Variants in C1orf21 observed in about 807,000 individuals in gnomAD.
C1orf21 encodes chromosome 1 open reading frame 21.
In C1orf21, 3 loss-of-function variants were observed where a neutral mutation model predicts 18.7. The ratio of observed to expected loss-of-function variants is 0.16; its 90% CI spans 0.07 to 0.42. C1orf21 has a LOEUF of 0.42. Among genes scored for constraint, C1orf21 ranks in the 10% least tolerant of loss-of-function variants. The pLI, the probability that C1orf21 is intolerant of heterozygous loss-of-function variation, is 0.99. For synonymous variants in C1orf21, 41 were observed against 46.4 expected (o/e 0.88, Z 0.47); for missense variants, 104 against 143.6 (o/e 0.72, Z 1.41).
At chr1:184,422,088 C>G (rs1656554974) in intron 1 of C1orf21, among the ~76,000 whole-genome samples, 1 of 152,146 alleles carries the variant, frequency 6.6e-6, no homozygotes, top group African/African-American at 2.4e-5. Flanking sequence ...GATGGGATGG[C>G]TTTGGCTGAT....
intron 1 of C1orf21, among the ~76,000 whole-genome samples, chr1:184,399,882 G>A (rs932593527): frequency 6.6e-6 from 1 of 152,096 alleles, no homozygotes; most frequent in Non-Finnish European, 1.5e-5. Context: ...AAGAAACCTT[G>A]ACAACATCAA....
intron 1 of C1orf21, among the ~76,000 whole-genome samples, chr1:184,450,342 G>T (rs554843924): frequency 2.0e-5 from 3 of 151,980 alleles, no homozygotes; most frequent in African/African-American, 7.3e-5. Flanking sequence ...GACTCCCCTC[G>T]CCCCAATCAG....
At chr1:184,424,183 C>T (rs1446535873) in intron 1 of C1orf21, among the ~76,000 whole-genome samples, 1 of 151,920 alleles carries the variant, frequency 6.6e-6, no homozygotes, top group Non-Finnish European at 1.5e-5. Context: ...TTTTACAAAC[C>T]GTATCATGGA....
At chr1:184,437,596 G>A (rs1343540223) in intron 1 of C1orf21, among the ~76,000 whole-genome samples, 1 of 152,054 alleles carries the variant, frequency 6.6e-6, no homozygotes, top group East Asian at 1.9e-4. Context: ...AGGAATTTAT[G>A]TGTAATCTCC....
chr1:184,544,701 T>A (rs1484731405), intron 3 of C1orf21, among the ~76,000 whole-genome samples: 1 of 152,206 alleles, frequency 6.6e-6, no homozygotes, highest in African/African-American at 2.4e-5. Flanking sequence ...ATATTTATTA[T>A]CTCATACAGT....
At chr1:184,545,877 G>T (rs1314855725) in intron 3 of C1orf21, 1 of 152,150 alleles carries the variant, frequency 6.6e-6, no homozygotes, top group African/African-American at 2.4e-5. Flanking sequence ...GGCACTACCA[G>T]CCTGACTCTG....
intron 5 of C1orf21, among the ~76,000 whole-genome samples, chr1:184,602,273 G>C (rs1659594719): frequency 6.6e-6 from 1 of 152,170 alleles, no homozygotes. Context: ...CATGCTGGTG[G>C]TGGGAGGCCA....
intron 5 of C1orf21, among the ~76,000 whole-genome samples, chr1:184,600,796 T>A (rs187082097): frequency 1.1e-4 from 17 of 152,296 alleles, no homozygotes; most frequent in African/African-American, 3.8e-4. Context: ...TTTTCTCTCC[T>A]CTCTGAGCCA....
At chr1:184,458,698 T>A (rs1479513847) in intron 1 of C1orf21, among the ~76,000 whole-genome samples, 1 of 152,206 alleles carries the variant, frequency 6.6e-6, no homozygotes, top group Non-Finnish European at 1.5e-5. Flanking sequence ...AATTTTCACA[T>A]AGCAAAGTTA....
intron 2 of C1orf21, among the ~76,000 whole-genome samples, chr1:184,481,424 C>T (rs531375236): frequency 5.9e-5 from 9 of 152,262 alleles, no homozygotes; most frequent in Admixed American, 5.2e-4. Context: ...AGAGCTGGCA[C>T]ACTGTCACTC....
intron 1 of C1orf21, among the ~76,000 whole-genome samples, chr1:184,399,362 T>G: frequency 6.9e-6 from 1 of 144,996 alleles, no homozygotes; most frequent in Admixed American, 6.9e-5. Flanking sequence ...TTCTATTTTT[T>G]TTTTTTTTTT....
intron 2 of C1orf21, among the ~76,000 whole-genome samples, chr1:184,492,910 G>C (rs949424892): frequency 6.6e-6 from 1 of 152,136 alleles, no homozygotes; most frequent in African/African-American, 2.4e-5. Context: ...AATTTCCCAG[G>C]TTGCTGATTT....
intron 1 of C1orf21, among the ~76,000 whole-genome samples, chr1:184,453,203 T>C (rs1657149535): frequency 6.6e-6 from 1 of 152,130 alleles, no homozygotes; most frequent in South Asian, 2.1e-4. Flanking sequence ...TGAACCCCAT[T>C]TCCTTCTGCA....
chr1:184,503,505 C>A (rs756483457), intron 2 of C1orf21, among the ~76,000 whole-genome samples: 46 of 152,208 alleles, frequency 3.0e-4, no homozygotes, highest in Non-Finnish European at 5.1e-4. Context: ...GTCCTCCGTC[C>A]CCTCTCCTCT....
chr1:184,598,500 A>G, intron 5 of C1orf21, 39 bp downstream of exon 5: 1 of 1,564,610 alleles, frequency 6.4e-7, no homozygotes, highest in East Asian at 2.2e-5. Flanking sequence ...TTTCAAGGGA[A>G]GTATAGTAAT....
chr1:184,401,013 C>T (rs1167396164), intron 1 of C1orf21, among the ~76,000 whole-genome samples: 1 of 152,106 alleles, frequency 6.6e-6, no homozygotes, highest in East Asian at 1.9e-4. Flanking sequence ...AATAGAAAAA[C>T]ATTGTACAGC....
chr1:184,446,723 A>C (rs1657035381), intron 1 of C1orf21, among the ~76,000 whole-genome samples: 1 of 151,922 alleles, frequency 6.6e-6, no homozygotes, highest in African/African-American at 2.4e-5. Context: ...AAAAAAAAAC[A>C]AAACAATATG....
chr1:184,413,200 G>A (rs887547403), intron 1 of C1orf21, among the ~76,000 whole-genome samples: 15 of 152,158 alleles, frequency 9.9e-5, no homozygotes, highest in Middle Eastern at 3.2e-3. Context: ...TTTCTTCAAG[G>A]GAAGGAGTGA....
intron 4 of C1orf21, among the ~76,000 whole-genome samples, chr1:184,593,330 C>A (rs1050461399): frequency 1.3e-5 from 2 of 151,860 alleles, no homozygotes; most frequent in African/African-American, 4.8e-5. Flanking sequence ...AAACTGTGAA[C>A]AGAACATTGG....
Sources: gnomAD v4.1 joint callset for allele counts (sites outside exome capture counted in the v4.1 genomes callset) on GRCh38, gnomAD v4.1.1 for gene constraint, MANE v1.5 for transcripts, NCBI Gene and HGNC (gene_info 2026-07-23, HGNC 2026-07-21) for gene names.